The following USP14 variants were observed in gnomAD, a reference collection of about 807,000 sequenced individuals.
USP14 encodes ubiquitin specific peptidase 14, also known as ubiquitin carboxyl-terminal hydrolase 14.
Under a neutral mutation model 76.5 loss-of-function variants are expected in USP14, and 38 were observed. The observed-to-expected ratio is 0.50, with a 90% CI of 0.38 to 0.65. USP14 has a LOEUF of 0.65. USP14 is among the 30% of genes least tolerant of loss of function. USP14 has a pLI of 0.00. For missense variants in USP14, 467 were observed against 586.5 expected, an observed-to-expected ratio of 0.80 and a Z score of 2.10; for synonymous variants, 192 against 191.7, an observed-to-expected ratio of 1.00 and a Z score of -0.01.
At chr18:191,092 T>C (rs1190192487) in intron 5 of USP14, among the ~76,000 whole-genome samples, 2 of 152,126 alleles carry the variant, frequency 1.3e-5, no homozygotes. Context: ...GCTAATTACA[T>C]ACCCAAGTGA....
chr18:210,149 C>G, intron 14 of USP14, 118 bp downstream of exon 14: 1 of 889,072 alleles, frequency 1.1e-6, no homozygotes, highest in Non-Finnish European at 1.7e-6. Flanking sequence ...TGTCAGGTTT[C>G]TTGAACAATT....
chr18:173,448 G>C (rs1325624170), intron 3 of USP14, among the ~76,000 whole-genome samples: 2 of 150,548 alleles, frequency 1.3e-5, no homozygotes, highest in Non-Finnish European at 2.9e-5. Flanking sequence ...TTCCGTTCTT[G>C]TTGCCCAGGC....
intron 5 of USP14, among the ~76,000 whole-genome samples, chr18:188,524 TTC>T (rs200235330): frequency 2.7e-5 from 4 of 150,864 alleles, no homozygotes; most frequent in Admixed American, 6.6e-5. Context: ...TTTTTTTTTT[TTC>T]CTTTGTGAGG....
chr18:206,404 T>C (rs1910530778), intron 13 of USP14, among the ~76,000 whole-genome samples: 1 of 152,226 alleles, frequency 6.6e-6, no homozygotes, highest in Non-Finnish European at 1.5e-5. Flanking sequence ...TTGTACTGTT[T>C]TTTTACTCTT....
Position 214,606 on chromosome 18 carries a change from A to G in USP14, c.*3322A>G. ...TAACAAAATCTATCACAGTTTTAATAAAAAGAAAAAAAAAAGAAGCTAACT... is the reference window on the plus strand; with the variant it reads ...TAACAAAATCTATCACAGTTTTAATGAAAAGAAAAAAAAAAGAAGCTAACT... On this transcript the variant is annotated 3_prime_UTR_variant, in exon 16 of 16. Coordinates refer to ENST00000261601, the MANE Select transcript of USP14 (RefSeq NM_005151.4). 1.3e-6 allele frequency: 2 copies of G among 1,580,206 alleles called. No individual in the cohort carries two copies. The highest frequency in any genetic ancestry group is 2.3e-5 in the South Asian group (2 of 85,210).
chr18:203,017 G>T, intron 11 of USP14, 72 bp downstream of exon 11: 1 of 1,603,636 alleles, frequency 6.2e-7, no homozygotes, highest in Non-Finnish European at 8.5e-7. Flanking sequence ...ATTTTATCCA[G>T]TCTTAATTTT....
chr18:206,414 T>C (rs1031803288), intron 13 of USP14, among the ~76,000 whole-genome samples: 1 of 152,254 alleles, frequency 6.6e-6, no homozygotes, highest in African/African-American at 2.4e-5. Context: ...TTTTTACTCT[T>C]GAATTTTGAG....
chr18:176,008 T>C (rs1370691861), intron 3 of USP14, among the ~76,000 whole-genome samples: 1 of 152,188 alleles, frequency 6.6e-6, no homozygotes, highest in Non-Finnish European at 1.5e-5. Context: ...AGTTGCTGAA[T>C]TGATTGTCAT....
At chr18:161,360 A>T (rs187246639) in intron 1 of USP14, among the ~76,000 whole-genome samples, 1 of 152,278 alleles carries the variant, frequency 6.6e-6, no homozygotes, top group Non-Finnish European at 1.5e-5. Flanking sequence ...ATGCTGCTTT[A>T]TGCTGTGGAA....
rs1910726611 is a variant in USP14, at chr18:213,308, G to GGACT, written c.*2025_*2028dup. On this transcript the variant is annotated 3_prime_UTR_variant, in exon 16 of 16. Transcript: ENST00000261601. Reference sequence around the variant, plus strand: ...AGAGCAAAGTATATAAGCCTTGTATGGACTATATTAGAATTTTAAAAATTG... The same window carrying GGACT: ...AGAGCAAAGTATATAAGCCTTGTATGGACTGACTATATTAGAATTTTAAAAATTG... The GGACT allele has an allele frequency of 1.3e-5, 2 of 151,876 alleles. No individual in the cohort carries two copies. Among genetic ancestry groups the GGACT allele is most frequent in the African/African-American group, 4.8e-5 (2 of 41,352 alleles). 9.4% of individuals were successfully genotyped at this position (151,876 alleles called of 1,614,324 possible). A position where few individuals can be genotyped will look rare whatever the true frequency, so the allele number is the denominator to read the frequency against.
chr18:210,599 A>C, intron 15 of USP14, 106 bp downstream of exon 15: 1 of 674,876 alleles, frequency 1.5e-6, no homozygotes, highest in Non-Finnish European at 2.3e-6. Flanking sequence ...GAACCACTTT[A>C]CATTCTTGAA....
chr18:196,522 TC>T, intron 6 of USP14, 114 bp from the exon 7 acceptor site: 1 of 1,174,250 alleles, frequency 8.5e-7, no homozygotes, highest in Non-Finnish European at 1.2e-6. Flanking sequence ...AGACTCCATC[TC>T]AAAAAAAAAA....
intron 15 of USP14, 91 bp downstream of exon 15, chr18:210,584 T>G (rs1345163542): frequency 3.4e-6 from 3 of 870,440 alleles, no homozygotes; most frequent in Non-Finnish European, 5.0e-6. Context: ...AAACTTTGGG[T>G]CTCAGAACCA....
intron 5 of USP14, among the ~76,000 whole-genome samples, chr18:183,216 GTAGTTA>G (rs1909833207): frequency 6.6e-6 from 1 of 152,070 alleles, no homozygotes; most frequent in South Asian, 2.1e-4. Context: ...TCAGTGATTG[GTAGTTA>G]TTTGTCCACT....
At chr18:188,527 C>CTTTTTTTTTT (rs1909996999) in intron 5 of USP14, among the ~76,000 whole-genome samples, 1 of 93,064 alleles carries the variant, frequency 1.1e-5, no homozygotes. Flanking sequence ...TTTTTTTTTC[C>CTTTTTTTTTT]TTTGTGAGGG....
chr18:178,890 C>G, intron 3 of USP14, 43 bp from the exon 4 acceptor site: 1 of 1,480,296 alleles, frequency 6.8e-7, no homozygotes, highest in Non-Finnish European at 9.3e-7. Context: ...TAAACATTAC[C>G]AACTTTTAAG....
At chr18:208,992 C>T (rs892388082) in intron 13 of USP14, among the ~76,000 whole-genome samples, 5 of 152,188 alleles carry the variant, frequency 3.3e-5, no homozygotes, top group African/African-American at 7.2e-5. Context: ...GTGATCCACT[C>T]GCCCCGGCGT....
chr18:179,180 TTTA>T, intron 4 of USP14, 143 bp downstream of exon 4: 1 of 589,800 alleles, frequency 1.7e-6, no homozygotes, highest in Non-Finnish European at 2.8e-6. Context: ...AAATAAGAGT[TTTA>T]TTATTTTTGA....
At chr18:208,162 A>G (rs1298048783) in intron 13 of USP14, among the ~76,000 whole-genome samples, 2 of 151,734 alleles carry the variant, frequency 1.3e-5, no homozygotes, top group African/African-American at 4.8e-5. Flanking sequence ...GAGTTTTTAC[A>G]TTTCAAATTT....
Sources: gnomAD v4.1 joint callset for allele counts (sites outside exome capture counted in the v4.1 genomes callset) on GRCh38, gnomAD v4.1.1 for gene constraint, MANE v1.5 for transcripts, NCBI Gene and HGNC (gene_info 2026-07-23, HGNC 2026-07-21) for gene names.